The following PCDH9 variants were observed in gnomAD, a reference collection of about 807,000 sequenced individuals.
PCDH9 encodes protocadherin 9, also known as protocadherin-9.
Under a neutral mutation model 70.6 loss-of-function variants are expected in PCDH9, and 24 were observed. That is an observed-to-expected ratio of 0.34 (90% confidence interval 0.25 to 0.48). The LOEUF (loss-of-function observed/expected upper bound fraction) is 0.48, where lower values mean the gene tolerates loss of function less well. Among genes scored for constraint, PCDH9 ranks in the 20% least tolerant of loss-of-function variants. The pLI is 0.99. For missense variants in PCDH9, 1,281 were observed against 1,503.6 expected, an observed-to-expected ratio of 0.85 and a Z score of 2.45; for synonymous variants, 562 against 558.5, an observed-to-expected ratio of 1.01 and a Z score of -0.09.
intron 4 of PCDH9, among the ~76,000 whole-genome samples, chr13:66,319,454 T>C (rs1955713014): frequency 6.6e-6 from 1 of 150,918 alleles, no homozygotes; most frequent in Non-Finnish European, 1.5e-5. Flanking sequence ...TGTGAAAGCA[T>C]GACTCCTCCC....
At chr13:66,945,784 C>G (rs1046746087) in intron 2 of PCDH9, among the ~76,000 whole-genome samples, 2 of 152,082 alleles carry the variant, frequency 1.3e-5, no homozygotes. Flanking sequence ...CTTTATATTA[C>G]TGTTGACAGT....
intron 2 of PCDH9, among the ~76,000 whole-genome samples, chr13:66,999,523 A>G (rs1215184598): frequency 1.3e-5 from 2 of 152,110 alleles, no homozygotes; most frequent in Non-Finnish European, 2.9e-5. Flanking sequence ...AGCAAAAGAA[A>G]CTACCATCAG....
intron 2 of PCDH9, chr13:67,216,683 CATATATATATATATATATATATATGGAT>C (rs1412378688): frequency 1.1e-5 from 1 of 90,710 alleles, no homozygotes; most frequent in Non-Finnish European, 2.3e-5. Context: ...TCTTAAGCAA[CATATATATATATATATATATATATGGAT>C]ATATATACGG....
intron 3 of PCDH9, among the ~76,000 whole-genome samples, chr13:66,761,769 T>C (rs1291079098): frequency 1.3e-5 from 2 of 152,150 alleles, no homozygotes; most frequent in Non-Finnish European, 2.9e-5. Context: ...ACATTGTTTT[T>C]CTCATTTTGT....
chr13:66,714,197 G>A (rs2078837712), intron 3 of PCDH9, among the ~76,000 whole-genome samples: 1 of 152,108 alleles, frequency 6.6e-6, no homozygotes, highest in Non-Finnish European at 1.5e-5. Flanking sequence ...TGGGTGCAGT[G>A]GTTCATGCCT....
At chr13:66,775,777 T>C (rs184067865) in intron 3 of PCDH9, among the ~76,000 whole-genome samples, 2 of 152,302 alleles carry the variant, frequency 1.3e-5, no homozygotes, top group Admixed American at 6.5e-5. Flanking sequence ...GCAGTGAAGT[T>C]TGGGGGGAGT....
intron 4 of PCDH9, among the ~76,000 whole-genome samples, chr13:66,586,910 G>T (rs1023093673): frequency 6.6e-6 from 1 of 152,038 alleles, no homozygotes; most frequent in Non-Finnish European, 1.5e-5. Flanking sequence ...TGTTGTAAAA[G>T]TAAGTAGATT....
chr13:67,023,179 T>C (rs2084713029), intron 2 of PCDH9, among the ~76,000 whole-genome samples: 1 of 152,032 alleles, frequency 6.6e-6, no homozygotes, highest in South Asian at 2.1e-4. Context: ...CCTTCATAGC[T>C]TTGAGCCGTT....
At chr13:66,599,530 T>C (rs1203915932) in intron 4 of PCDH9, among the ~76,000 whole-genome samples, 1 of 151,224 alleles carries the variant, frequency 6.6e-6, no homozygotes, top group African/African-American at 2.4e-5. Flanking sequence ...ACTATTTAAA[T>C]CATGTACTAT....
At chr13:66,944,909 T>G (rs963956026) in intron 2 of PCDH9, among the ~76,000 whole-genome samples, 2 of 149,564 alleles carry the variant, frequency 1.3e-5, no homozygotes, top group Non-Finnish European at 1.5e-5. Flanking sequence ...AAACTCCAAT[T>G]TAAGATAAGC....
At chr13:66,874,634 T>C (rs1020428192) in intron 3 of PCDH9, among the ~76,000 whole-genome samples, 2 of 151,934 alleles carry the variant, frequency 1.3e-5, no homozygotes, top group Non-Finnish European at 2.9e-5. Flanking sequence ...GAGAAGTAAA[T>C]GAGATAAATG....
chr13:66,457,948 T>G (rs1006927368), intron 4 of PCDH9, among the ~76,000 whole-genome samples: 2 of 152,076 alleles, frequency 1.3e-5, no homozygotes, highest in African/African-American at 4.8e-5. Context: ...GTTTGCTGTC[T>G]GTTGTTTTTA....
intron 4 of PCDH9, among the ~76,000 whole-genome samples, chr13:66,321,860 C>T (rs1955761032): frequency 6.6e-6 from 1 of 151,894 alleles, no homozygotes. Context: ...TCTTTCTTGT[C>T]ATCCATTCTT....
intron 3 of PCDH9, among the ~76,000 whole-genome samples, chr13:66,643,090 T>C (rs563853779): frequency 5.3e-5 from 8 of 152,112 alleles, no homozygotes; most frequent in African/African-American, 1.7e-4. Flanking sequence ...ACATACAAAT[T>C]GAAAAGTAAC....
At chr13:66,375,726 A>C (rs1227010620) in intron 4 of PCDH9, among the ~76,000 whole-genome samples, 1 of 152,084 alleles carries the variant, frequency 6.6e-6, no homozygotes, top group Non-Finnish European at 1.5e-5. Context: ...TTTAAGATGA[A>C]ATATGACCTG....
At chr13:66,401,540 G>C (rs558538708) in intron 4 of PCDH9, among the ~76,000 whole-genome samples, 12 of 152,130 alleles carry the variant, frequency 7.9e-5, no homozygotes, top group African/African-American at 2.9e-4. Context: ...TTAGCAGCAT[G>C]AGAATGGACT....
intron 4 of PCDH9, among the ~76,000 whole-genome samples, chr13:66,406,155 C>T (rs1485293116): frequency 6.6e-6 from 1 of 152,112 alleles, no homozygotes; most frequent in East Asian, 1.9e-4. Context: ...CTTCTTCAAG[C>T]AGTGCCGACC....
intron 2 of PCDH9, among the ~76,000 whole-genome samples, chr13:67,023,704 G>C (rs1477749924): frequency 6.6e-6 from 1 of 152,096 alleles, no homozygotes; most frequent in Non-Finnish European, 1.5e-5. Context: ...GGAGAGACTT[G>C]CAATGGCTAA....
intron 4 of PCDH9, among the ~76,000 whole-genome samples, chr13:66,329,588 G>T (rs559823910): frequency 6.6e-6 from 1 of 152,200 alleles, no homozygotes; most frequent in East Asian, 1.9e-4. Context: ...GGCTCATGGT[G>T]CTCTCTAACA....
Sources: gnomAD v4.1 joint callset for allele counts (sites outside exome capture counted in the v4.1 genomes callset) on GRCh38, gnomAD v4.1.1 for gene constraint, MANE v1.5 for transcripts, NCBI Gene and HGNC (gene_info 2026-07-23, HGNC 2026-07-21) for gene names.